Variants in ZC3H13 observed in about 807,000 individuals in gnomAD.
ZC3H13 encodes zinc finger CCCH domain-containing protein 13.
A neutral mutation model predicts 204.1 loss-of-function variants in ZC3H13; 64 were observed. That is an observed-to-expected ratio of 0.31 (90% CI 0.26 to 0.39). The LOEUF (loss-of-function observed/expected upper bound fraction) is 0.39, where lower values mean the gene tolerates loss of function less well. Ranked by LOEUF, ZC3H13 falls within the 10% of genes least tolerant of loss-of-function variation. ZC3H13 has a pLI of 1.00. For missense variants in ZC3H13, 1,833 were observed against 2,082.7 expected (o/e 0.88, Z 2.33); for synonymous variants, 667 against 693.7 (o/e 0.96, Z 0.60).
In ZC3H13 at chr13:45,967,726, C is replaced by A. The variant is rs907273158; in HGVS notation, c.4099G>T (p.Val1367Phe). 1 of 1,613,700 alleles carries A rather than the reference C, an allele frequency of 6.2e-7. No homozygotes were observed. Among genetic ancestry groups the A allele is most frequent in the East Asian group, 2.2e-5 (1 of 44,832 alleles). Residue 1367 changes from valine to phenylalanine, a missense_variant, in exon 15 of 19, where the codon GTT becomes TTT. By Grantham distance (50) the Val-to-Phe change is conservative (BLOSUM62 -1). Around this residue, in one of 5 missense-constraint regions of ZC3H13, gnomAD observed 1,574 missense variants for 1,757.2 expected, o/e 0.90. Transcript: ENST00000679008. ...CTGTCTCTGTCCCTGTCCCTTTCAA[C>A]AGAATCAGAAATTAGTCTCTCTCTT... ...RERERLISDS[V>F]ERDRDRDRDR...
At chr13:46,049,977 ACAT>A (rs896344755) in intron 1 of ZC3H13, among the ~76,000 whole-genome samples, 9 of 152,268 alleles carry the variant, frequency 5.9e-5, no homozygotes, top group African/African-American at 2.2e-4. Context: ...ACTTCCACCC[ACAT>A]CATCAAGTCT....
intron 7 of ZC3H13, among the ~76,000 whole-genome samples, chr13:46,004,335 T>C (rs2040973684): frequency 6.6e-6 from 1 of 151,856 alleles, no homozygotes; most frequent in South Asian, 2.1e-4. Flanking sequence ...AGGTCAGGAG[T>C]TCGAGACCAG....
chr13:45,961,925 G>A (rs1459387002), intron 17 of ZC3H13, among the ~76,000 whole-genome samples: 1 of 151,978 alleles, frequency 6.6e-6, no homozygotes, highest in African/African-American at 2.4e-5. Context: ...AGCGCAATTA[G>A]AAAACAGACA....
At chr13:45,996,078 T>A (rs2040313649) in intron 8 of ZC3H13, among the ~76,000 whole-genome samples, 1 of 152,216 alleles carries the variant, frequency 6.6e-6, no homozygotes, top group East Asian at 1.9e-4. Flanking sequence ...TGTCAGATAA[T>A]TTTTCTGATT....
At chr13:46,029,522 G>A (rs1039793856) in intron 4 of ZC3H13, among the ~76,000 whole-genome samples, 7 of 148,068 alleles carry the variant, frequency 4.7e-5, no homozygotes, top group Admixed American at 1.4e-4. Flanking sequence ...TCCGCCTCCC[G>A]GGTTCACGCC....
In ZC3H13 at chr13:45,955,781, T is replaced by C. The variant is rs1269297070; in HGVS notation, c.*1346A>G. On this transcript the variant is annotated 3_prime_UTR_variant, in exon 19 of 19. Coordinates refer to ENST00000679008, the MANE Select transcript of ZC3H13 (RefSeq NM_001330564.2). ...CAATTATACATGCTTTCAAAGTCATTTGAAAGTAAGACCATTTCCTTTGGC... is the reference window on the plus strand; with the variant it reads ...CAATTATACATGCTTTCAAAGTCATCTGAAAGTAAGACCATTTCCTTTGGC... 1 of 152,170 alleles carries C rather than the reference T, an allele frequency of 6.6e-6. No individual in the cohort carries two copies. 9.4% of individuals were successfully genotyped at this position (152,170 alleles called of 1,614,324 possible). A position where few individuals can be genotyped will look rare whatever the true frequency, so the allele number is the denominator to read the frequency against.
intron 8 of ZC3H13, among the ~76,000 whole-genome samples, chr13:45,997,206 G>A (rs1175910217): frequency 1.3e-5 from 2 of 152,110 alleles, no homozygotes; most frequent in Non-Finnish European, 2.9e-5. Flanking sequence ...TTTAAGGGCC[G>A]AAGTCTCCAA....
chr13:46,039,140 C>G (rs2043399456), intron 4 of ZC3H13, among the ~76,000 whole-genome samples: 1 of 152,166 alleles, frequency 6.6e-6, no homozygotes, highest in East Asian at 1.9e-4. Context: ...GTAACTCTAT[C>G]CCTTAGGTAT....
rs1440970032 is a variant in ZC3H13, at chr13:45,963,995, G to A, written c.4522C>T (p.His1508Tyr). 6.2e-7 allele frequency: 1 copy of A among 1,614,112 alleles called. No individual in the cohort carries two copies. The highest frequency in any genetic ancestry group is 1.1e-5 in the South Asian group (1 of 91,086). ...DVDWSGLMPKHPKEPREPGAA... is the reference protein window; with the variant it reads ...DVDWSGLMPKYPKEPREPGAA... ...CCAGGCTCTCGTGGTTCTTTTGGAT[G>A]CTTTGGCATAAGACCAGACCAATCC... Residue 1508 changes from histidine to tyrosine, a missense_variant, in exon 17 of 19, where the codon CAT becomes TAT. By Grantham distance (83) the His-to-Tyr change is moderately conservative (BLOSUM62 2). Coordinates refer to ENST00000679008, the MANE Select transcript of ZC3H13 (RefSeq NM_001330564.2).
chr13:45,991,800 T>G (rs902331320), intron 8 of ZC3H13, among the ~76,000 whole-genome samples: 7 of 152,178 alleles, frequency 4.6e-5, no homozygotes, highest in Admixed American at 3.3e-4. Context: ...CTGACTAGAT[T>G]CCAATCAAAC....
chr13:46,012,609 A>G (rs76393535), intron 5 of ZC3H13, among the ~76,000 whole-genome samples: 2 of 152,134 alleles, frequency 1.3e-5, no homozygotes, highest in Non-Finnish European at 2.9e-5. Context: ...ATATATATTC[A>G]CTACCTGTGT....
chr13:45,966,973 G>A (rs907945376), intron 15 of ZC3H13, among the ~76,000 whole-genome samples: 1 of 152,200 alleles, frequency 6.6e-6, no homozygotes, highest in African/African-American at 2.4e-5. Flanking sequence ...TCACATAGCT[G>A]AGGCTGGCTC....
intron 11 of ZC3H13, 79 bp downstream of exon 11, chr13:45,979,734 A>C (rs1021916758): frequency 2.9e-6 from 4 of 1,388,228 alleles, no homozygotes; most frequent in South Asian, 2.9e-5. Context: ...TATATTAAAA[A>C]GTAAATTGGT....
At chr13:45,960,289 G>C (rs1229476439) in intron 17 of ZC3H13, among the ~76,000 whole-genome samples, 2 of 152,088 alleles carry the variant, frequency 1.3e-5, no homozygotes, top group Non-Finnish European at 2.9e-5. Context: ...GTTTTTAAAG[G>C]ATGTTTTAAA....
chr13:46,047,308 T>C (rs1332132518), intron 1 of ZC3H13, among the ~76,000 whole-genome samples: 1 of 152,182 alleles, frequency 6.6e-6, no homozygotes, highest in Non-Finnish European at 1.5e-5. Context: ...ATAATTCTTT[T>C]GATATAATAG....
chr13:46,036,483 CAT>C (rs1039427987), intron 4 of ZC3H13, among the ~76,000 whole-genome samples: 15 of 151,476 alleles, frequency 9.9e-5, no homozygotes, highest in Non-Finnish European at 2.1e-4. Flanking sequence ...GGGTAGGAAA[CAT>C]AAACAAATGA....
At chr13:45,961,498 C>A (rs1050311925) in intron 17 of ZC3H13, among the ~76,000 whole-genome samples, 7 of 142,840 alleles carry the variant, frequency 4.9e-5, no homozygotes, top group African/African-American at 1.6e-4. Context: ...AAGAACTTAA[C>A]CAACAGAGAG....
At chr13:46,020,658 C>T (rs1566302263) in intron 4 of ZC3H13, 101 bp from the exon 5 acceptor site, 1 of 771,502 alleles carries the variant, frequency 1.3e-6, no homozygotes, top group East Asian at 3.0e-5. Context: ...ATCTCTGTTT[C>T]ATCAAAGAAT....
At position 45,970,396 on chromosome 13, in the gene ZC3H13, C is replaced by T. The variant is rs759505776; in HGVS notation, c.2538G>A (p.Pro846=). The part of the protein sequence containing the change: ...QSPKRRREHS[P]DSDAYNSGDD... ...CTCCACTGTTGTAGGCATCACTGTC[C>T]GGAGAATGTTCACGCCGGCGCTTCG... Residue 846 remains proline (P), a synonymous_variant, in exon 13 of 19, where the codon CCG becomes CCA. Coordinates refer to ENST00000679008, the MANE Select transcript of ZC3H13 (RefSeq NM_001330564.2). The T allele has an allele frequency of 1.6e-5, 26 of 1,613,722 alleles. No individual in the cohort carries two copies. Among genetic ancestry groups the T allele is most frequent in the Middle Eastern group, 1.6e-4 (1 of 6,080 alleles).
Sources: gnomAD v4.1 joint callset for allele counts (sites outside exome capture counted in the v4.1 genomes callset) on GRCh38, gnomAD v4.1.1 for gene constraint, gnomAD v4.1.1 regional missense constraint, MANE v1.5 for transcripts, NCBI Gene and HGNC (gene_info 2026-07-23, HGNC 2026-07-21) for gene names.